The following ADGRL3 variants were observed in gnomAD, a reference collection of about 807,000 sequenced individuals.
ADGRL3 encodes calcium-independent alpha-latrotoxin receptor 3.
Under a neutral mutation model 153.5 loss-of-function variants are expected in ADGRL3, and 62 were observed. The ratio of observed to expected loss-of-function variants is 0.40; its 90% CI spans 0.33 to 0.50. The LOEUF (loss-of-function observed/expected upper bound fraction) is 0.50. Ranked by LOEUF, ADGRL3 falls within the 20% of genes least tolerant of loss-of-function variation. The pLI is 0.47. For missense variants in ADGRL3, 1,641 were observed against 1,859.4 expected (o/e 0.88, Z 2.16); for synonymous variants, 710 against 672.5 (o/e 1.06, Z -0.86).
At chr4:61,371,974 A>T (rs1275707057) in intron 1 of ADGRL3, among the ~76,000 whole-genome samples, 1 of 151,736 alleles carries the variant, frequency 6.6e-6, no homozygotes, top group Non-Finnish European at 1.5e-5. Flanking sequence ...GCTTCATTTC[A>T]TTCATTTCAT....
At chr4:61,463,494 A>T (rs2097847037) in intron 2 of ADGRL3, among the ~76,000 whole-genome samples, 2 of 152,122 alleles carry the variant, frequency 1.3e-5, no homozygotes, top group Admixed American at 6.6e-5. Context: ...GCAAGGGGGA[A>T]ATCTGCCCCA....
At chr4:61,972,515 A>G (rs563346644) in intron 17 of ADGRL3, among the ~76,000 whole-genome samples, 86 of 152,210 alleles carry the variant, frequency 5.7e-4, no homozygotes, top group African/African-American at 2.0e-3. Context: ...CCATTGATCT[A>G]AATCTCTGTT....
At position 61,228,143 on chromosome 4, in the gene ADGRL3, TG is replaced by T. The variant is rs1277464234; in HGVS notation, c.-240+26379del. On this transcript the variant is annotated intron_variant, in intron 1 of 26. Transcript: ENST00000683033. ...TTTAAAATGTGAAGTAATTCATAGC[TG>T]TAACTATGTAAAGTTGGTAAGTTTT... 3.3e-5 allele frequency among the ~76,000 whole-genome samples: 5 copies of T among 152,204 alleles called. No homozygotes were observed. In the East Asian group the frequency reaches 5.8e-4, roughly 18 times the overall value.
At chr4:61,491,522 T>A (rs1475779389) in intron 2 of ADGRL3, among the ~76,000 whole-genome samples, 8 of 152,180 alleles carry the variant, frequency 5.3e-5, no homozygotes. Flanking sequence ...CTTTACTTGT[T>A]AATGAAGTGA....
chr4:61,433,101 A>G (rs895281849), intron 2 of ADGRL3, among the ~76,000 whole-genome samples: 2 of 152,144 alleles, frequency 1.3e-5, no homozygotes, highest in Non-Finnish European at 2.9e-5. Flanking sequence ...TCAGTATTTT[A>G]TATGTATATT....
intron 13 of ADGRL3, among the ~76,000 whole-genome samples, chr4:61,931,281 AT>A (rs2098816619): frequency 6.6e-6 from 1 of 152,184 alleles, no homozygotes; most frequent in Admixed American, 6.5e-5. Flanking sequence ...ATTACCGAAG[AT>A]TTATTCCTTC....
At chr4:61,380,104 T>C (rs2096649620) in intron 1 of ADGRL3, among the ~76,000 whole-genome samples, 1 of 151,980 alleles carries the variant, frequency 6.6e-6, no homozygotes, top group Non-Finnish European at 1.5e-5. Flanking sequence ...TATACATATA[T>C]CTATTACACA....
intron 1 of ADGRL3, among the ~76,000 whole-genome samples, chr4:61,303,539 A>G (rs989211612): frequency 6.6e-6 from 1 of 152,136 alleles, no homozygotes; most frequent in Non-Finnish European, 1.5e-5. Context: ...TGTGACAGAA[A>G]CGGTTTCTGG....
At chr4:61,428,869 A>G (rs1056344349) in intron 2 of ADGRL3, among the ~76,000 whole-genome samples, 1 of 117,808 alleles carries the variant, frequency 8.5e-6, no homozygotes, top group Non-Finnish European at 2.0e-5. Context: ...CTATCTATCT[A>G]TCTATATCAT....
intron 17 of ADGRL3, among the ~76,000 whole-genome samples, chr4:61,954,947 G>C (rs1477012807): frequency 6.6e-6 from 1 of 152,104 alleles, no homozygotes; most frequent in East Asian, 1.9e-4. Context: ...TGTTCACTGG[G>C]GTGCTCAGAG....
intron 9 of ADGRL3, among the ~76,000 whole-genome samples, chr4:61,866,148 C>T (rs1231941261): frequency 6.6e-6 from 1 of 152,194 alleles, no homozygotes; most frequent in Non-Finnish European, 1.5e-5. Flanking sequence ...TTTATGCAGC[C>T]TTCCTTTCAC....
chr4:61,441,693 T>A (rs930791220), intron 2 of ADGRL3, among the ~76,000 whole-genome samples: 1 of 152,092 alleles, frequency 6.6e-6, no homozygotes, highest in African/African-American at 2.4e-5. Flanking sequence ...CTAATTTTTT[T>A]TCTAAACTTG....
chr4:61,655,876 G>A (rs1026770261), intron 5 of ADGRL3, among the ~76,000 whole-genome samples: 4 of 152,132 alleles, frequency 2.6e-5, no homozygotes, highest in African/African-American at 9.7e-5. Flanking sequence ...TTTAAATTTT[G>A]AGTAGAGACA....
intron 11 of ADGRL3, among the ~76,000 whole-genome samples, chr4:61,902,645 T>C (rs2098670921): frequency 6.6e-6 from 1 of 152,084 alleles, no homozygotes; most frequent in African/African-American, 2.4e-5. Flanking sequence ...GTGCAGTTTC[T>C]CTAAGACTCC....
chr4:61,585,674 A>G (rs2098943555), intron 4 of ADGRL3, among the ~76,000 whole-genome samples: 3 of 152,050 alleles, frequency 2.0e-5, no homozygotes, highest in Non-Finnish European at 4.4e-5. Context: ...CGCTTCATTT[A>G]AAATTTAAAT....
intron 8 of ADGRL3, among the ~76,000 whole-genome samples, chr4:61,788,529 G>A (rs946361775): frequency 6.6e-6 from 1 of 152,128 alleles, no homozygotes; most frequent in Non-Finnish European, 1.5e-5. Context: ...AAAAGAATCT[G>A]AACAGCAGCC....
intron 1 of ADGRL3, among the ~76,000 whole-genome samples, chr4:61,338,533 G>A (rs2095735747): frequency 6.6e-6 from 1 of 151,936 alleles, no homozygotes; most frequent in South Asian, 2.1e-4. Flanking sequence ...CATAGTTTGA[G>A]GATCACTAAG....
At chr4:61,615,463 G>C (rs908372893) in intron 5 of ADGRL3, among the ~76,000 whole-genome samples, 2 of 152,050 alleles carry the variant, frequency 1.3e-5, no homozygotes, top group Non-Finnish European at 2.9e-5. Flanking sequence ...TTCAAAAAAG[G>C]GGTGATATTC....
chr4:61,804,147 G>C (rs1245374422), intron 8 of ADGRL3, among the ~76,000 whole-genome samples: 1 of 152,086 alleles, frequency 6.6e-6, no homozygotes, highest in Admixed American at 6.6e-5. Flanking sequence ...TCATCATCCT[G>C]GGAGAATATC....
Sources: gnomAD v4.1 joint callset for allele counts (sites outside exome capture counted in the v4.1 genomes callset) on GRCh38, gnomAD v4.1.1 for gene constraint, MANE v1.5 for transcripts, NCBI Gene and HGNC (gene_info 2026-07-23, HGNC 2026-07-21) for gene names.